ZNF592: variants seen among roughly 807,000 people sequenced by gnomAD.
ZNF592 encodes the protein zinc finger protein 592.
Under a neutral mutation model 80.3 loss-of-function variants are expected in ZNF592, and 11 were observed. The ratio of observed to expected loss-of-function variants is 0.14; its 90% CI spans 0.09 to 0.23. ZNF592 has a LOEUF of 0.23. Among genes scored for constraint, ZNF592 ranks in the 10% least tolerant of loss-of-function variants. The pLI is 1.00. For synonymous variants in ZNF592, 646 were observed against 640.3 expected (o/e 1.01, Z -0.13); for missense variants, 1,420 against 1,633.9 (o/e 0.87, Z 2.26).
rs71135308 is a variant in ZNF592, at chr15:84,768,061, A to ATT, written c.-150+3257_-150+3258dup. Among the ~76,000 whole-genome samples the ATT allele has an allele frequency of 4.8e-4, 66 of 137,546 alleles. 1 individual carries two copies. The highest frequency in any genetic ancestry group is 1.6e-3 in the African/African-American group (61 of 38,172). The allele number at this position is 137,546 out of a possible 152,430, so 90.2% of individuals were successfully genotyped here. A position where few individuals can be genotyped will look rare whatever the true frequency, so the allele number is the denominator to read the frequency against. On this transcript the variant is annotated intron_variant, in intron 2 of 10. Transcript: ENST00000560079. ...CCAGCTAATTTTAATTTTAATTTTA[A>ATT]TTTTTTTTTTTTGTAGAGATGGGGT...
In ZNF592 at chr15:84,778,233, G is replaced by T; in HGVS notation, c.-99G>T. ...GGAAGGGAGAAGACAGAAGGAAGAC[G>T]CTCCCCCGTACGGAGACAGAGGGAG... On this transcript the variant is annotated 5_prime_UTR_variant, in exon 3 of 11. Coordinates refer to ENST00000560079, the MANE Select transcript of ZNF592 (RefSeq NM_014630.3). The T allele has an allele frequency of 4.7e-6, 1 of 210,938 alleles. No individual in the cohort carries two copies. The highest frequency in any genetic ancestry group is 6.0e-5 in the South Asian group (1 of 16,754). 13.1% of individuals were successfully genotyped at this position (210,938 alleles called of 1,614,324 possible). A position where few individuals can be genotyped will look rare whatever the true frequency, so the allele number is the denominator to read the frequency against.
chr15:84,800,075 A>G, intron 10 of ZNF592, 98 bp downstream of exon 10: 1 of 1,573,478 alleles, frequency 6.4e-7, no homozygotes, highest in Non-Finnish European at 8.7e-7. Context: ...TGGAACAACC[A>G]GAGTGACAGC....
intron 2 of ZNF592, 145 bp downstream of exon 2, chr15:84,764,960 G>C: frequency 7.7e-6 from 3 of 390,980 alleles, no homozygotes; most frequent in Non-Finnish European, 1.3e-5. Context: ...ATTTTTAAGT[G>C]TGCAGCTCAG....
At chr15:84,767,157 G>A (rs926566390) in intron 2 of ZNF592, among the ~76,000 whole-genome samples, 1 of 152,024 alleles carries the variant, frequency 6.6e-6, no homozygotes, top group African/African-American at 2.4e-5. Flanking sequence ...ACCACACCCG[G>A]TTAATTTTTT....
intron 5 of ZNF592, among the ~76,000 whole-genome samples, chr15:84,796,029 G>A (rs966259634): frequency 6.6e-6 from 1 of 151,232 alleles, no homozygotes; most frequent in African/African-American, 2.4e-5. Context: ...CAAGACCAGC[G>A]CGGCCAACAT....
intron 2 of ZNF592, among the ~76,000 whole-genome samples, chr15:84,773,352 C>T (rs1377963427): frequency 6.6e-6 from 1 of 152,062 alleles, no homozygotes; most frequent in African/African-American, 2.4e-5. Context: ...GCTGGGATTA[C>T]AGGTGCCCGC....
At chr15:84,757,457 C>T (rs561474727) in intron 1 of ZNF592, among the ~76,000 whole-genome samples, 6 of 151,610 alleles carry the variant, frequency 4.0e-5, no homozygotes, top group South Asian at 2.1e-4. Context: ...ACAATCCTTA[C>T]ACCTCAGCCT....
At position 84,798,520 on chromosome 15, in the gene ZNF592, C is replaced by T; in HGVS notation, c.2736+46C>T. Reference sequence around the variant, plus strand: ...AGGCCGGGGAGGAGGGCACATGCCTCAGGCTGGGGGTCTGACTCTGTGCAT... The same window carrying T: ...AGGCCGGGGAGGAGGGCACATGCCTTAGGCTGGGGGTCTGACTCTGTGCAT... On this transcript the variant is annotated intron_variant, in intron 7 of 10. Coordinates refer to ENST00000560079, the MANE Select transcript of ZNF592 (RefSeq NM_014630.3). This position sits in a 1 kb window ranked among gnomAD's most constrained non-coding sequence, Gnocchi z 4.5. 6.2e-7 allele frequency: 1 copy of T among 1,613,852 alleles called. No individual in the cohort carries two copies. Among genetic ancestry groups the T allele is most frequent in the Non-Finnish European group, 8.5e-7 (1 of 1,179,872 alleles).
Position 84,797,890 on chromosome 15 carries a change from C to A in ZNF592, c.2421C>A (p.Val807=). The A allele has an allele frequency of 2.5e-6, 4 of 1,614,230 alleles. No homozygotes were observed. Among genetic ancestry groups the A allele is most frequent in the East Asian group, 2.2e-5 (1 of 44,882 alleles). ...CTAGGTGCATCCACTGTGGTGTCGTCCACCTGACCTTGGCCTTGCTGAAAA... is the reference window on the plus strand; with the variant it reads ...CTAGGTGCATCCACTGTGGTGTCGTACACCTGACCTTGGCCTTGCTGAAAA... ...VGYRCIHCGV[V]HLTLALLKSH... Residue 807 remains valine (V), a synonymous_variant, in exon 6 of 11, where the codon GTC becomes GTA. Coordinates refer to ENST00000560079, the MANE Select transcript of ZNF592 (RefSeq NM_014630.3).
intron 4 of ZNF592, among the ~76,000 whole-genome samples, chr15:84,790,330 C>G (rs1167299719): frequency 1.3e-5 from 2 of 152,114 alleles, no homozygotes; most frequent in African/African-American, 2.4e-5. Flanking sequence ...TGAGCTGTGA[C>G]AGAGACCCTG....
At chr15:84,748,722 C>A in intron 1 of ZNF592, 58 bp downstream of exon 1, 1 of 148,126 alleles carries the variant, frequency 6.8e-6, no homozygotes, top group South Asian at 1.8e-4. Flanking sequence ...CAGCCCCAGC[C>A]TGGGCCCGGG....
intron 2 of ZNF592, among the ~76,000 whole-genome samples, chr15:84,776,944 C>A (rs989887013): frequency 6.6e-6 from 1 of 151,752 alleles, no homozygotes; most frequent in African/African-American, 2.4e-5. Flanking sequence ...CCCAGCTACT[C>A]GGGAGACTGG....
At chr15:84,789,724 A>G (rs1962688125) in intron 4 of ZNF592, among the ~76,000 whole-genome samples, 1 of 152,126 alleles carries the variant, frequency 6.6e-6, no homozygotes, top group African/African-American at 2.4e-5. Context: ...CATTCTTTTT[A>G]ATGCTCATGT....
At chr15:84,762,313 G>A (rs1899376105) in intron 1 of ZNF592, among the ~76,000 whole-genome samples, 1 of 152,190 alleles carries the variant, frequency 6.6e-6, no homozygotes, top group African/African-American at 2.4e-5. Flanking sequence ...GAGGGGTTTG[G>A]TGGGGAGGAA....
At position 84,805,873 on chromosome 15, in the gene ZNF592, T is replaced by C. The variant is rs919491472; in HGVS notation, c.*3480T>C. On this transcript the variant is annotated 3_prime_UTR_variant, in exon 11 of 11. Transcript: ENST00000560079. ...CCCTCTCCAGAGTTAATCACTGTTA[T>C]CTATATGTTGTGTATCCTTTCATAG... 6.6e-6 allele frequency: 1 copy of C among 152,646 alleles called. No individual in the cohort carries two copies. Among genetic ancestry groups the C allele is most frequent in the Non-Finnish European group, 1.5e-5 (1 of 68,040 alleles). 9.5% of individuals were successfully genotyped at this position (152,646 alleles called of 1,614,324 possible). A position where few individuals can be genotyped will look rare whatever the true frequency, so the allele number is the denominator to read the frequency against.
intron 1 of ZNF592, among the ~76,000 whole-genome samples, chr15:84,751,054 GCTTAACT>G (rs940649571): frequency 6.6e-6 from 1 of 152,198 alleles, no homozygotes; most frequent in Admixed American, 6.5e-5. Context: ...GGGTTGAGTG[GCTTAACT>G]ACCTGATCTG....
In ZNF592 at chr15:84,801,988, A is replaced by T. The variant is rs372450267; in HGVS notation, c.3399A>T (p.Thr1133=). The change falls in exon 11 of 11, where the codon ACA becomes ACT. Residue 1133 remains threonine (T), a synonymous_variant. Transcript: ENST00000560079. Reference sequence around the variant, plus strand: ...AGTGCGCGAAATGTAGTTTTGCCACAGACTCGGGGCTCGAGTTTCAGAGCC... The same window carrying T: ...AGTGCGCGAAATGTAGTTTTGCCACTGACTCGGGGCTCGAGTTTCAGAGCC... ...LFQCAKCSFA[T]DSGLEFQSHI... 8.7e-6 allele frequency: 14 copies of T among 1,613,910 alleles called. No homozygotes were observed. The African/African-American group carries it at 1.6e-4, about 18-fold the overall frequency.
Position 84,784,949 on chromosome 15 carries a change from A to G in ZNF592, c.2220+54A>G, listed in dbSNP as rs1177868411. 6.3e-6 allele frequency: 10 copies of G among 1,598,872 alleles called. No individual in the cohort carries two copies. Among genetic ancestry groups the G allele is most frequent in the East Asian group, 2.2e-5 (1 of 44,822 alleles). On this transcript the variant is annotated intron_variant, in intron 4 of 10. Transcript: ENST00000560079. The surrounding 1 kb of genome is among the most constrained non-coding windows in gnomAD (Gnocchi z 5.8). ...CGGGCCCCTGGCTCACACAGGTTCC[A>G]TGACTGGGCATGGAGAGGAAAGCTC...
chr15:84,778,289 C>G lies in ZNF592; in HGVS notation c.-43C>G, dbSNP rs1962321965. 7.1e-6 allele frequency: 2 copies of G among 281,188 alleles called. No individual in the cohort carries two copies. The highest frequency in any genetic ancestry group is 8.3e-5 in the Admixed American group (2 of 23,954). 17.4% of individuals were successfully genotyped at this position (281,188 alleles called of 1,614,324 possible). On this transcript the variant is annotated 5_prime_UTR_variant, in exon 3 of 11. Transcript: ENST00000560079. ...GCTCCAAAGCCGAAAGAGGAGGTCC[C>G]TACCTGCCACGGATACCAGTCAGGT...
Sources: gnomAD v4.1 joint callset for allele counts (sites outside exome capture counted in the v4.1 genomes callset) on GRCh38, gnomAD v4.1.1 for gene constraint, Gnocchi (gnomAD v3.1) non-coding constraint, MANE v1.5 for transcripts, NCBI Gene and HGNC (gene_info 2026-07-23, HGNC 2026-07-21) for gene names.